The following SPTLC3 variants were observed in gnomAD, a reference collection of about 807,000 sequenced individuals.
The protein encoded by SPTLC3 is serine palmitoyltransferase 3.
In SPTLC3, 36 loss-of-function variants were observed where a neutral mutation model predicts 59.3. The ratio of observed to expected loss-of-function variants is 0.61; its 90% CI spans 0.47 to 0.80. SPTLC3 has a LOEUF of 0.80. Ranked by LOEUF, SPTLC3 falls within the 30% of genes least tolerant of loss-of-function variation. The probability of loss-of-function intolerance (pLI) is 0.00; values close to 1 mark genes in which losing one functional copy is unlikely to be tolerated. For missense variants in SPTLC3, 625 were observed against 685.1 expected (o/e 0.91, Z 0.98); for synonymous variants, 257 against 240.8 (o/e 1.07, Z -0.62).
Position 13,158,851 on chromosome 20 carries a change from G to C in SPTLC3, c.1416-1152G>C, listed in dbSNP as rs1336918044. ...AACAGCAAAACAAGTGAATGGAAGA[G>C]CAGGCTTATTCTCCACGTCTGGTTC... On this transcript the variant is annotated intron_variant, in intron 10 of 11. Transcript: ENST00000399002. 2.6e-5 allele frequency among the ~76,000 whole-genome samples: 4 copies of C among 152,210 alleles called. No homozygotes were observed. In the East Asian group the frequency reaches 5.8e-4, roughly 22 times the overall value.
chr20:13,123,795 C>T (rs146082706), intron 8 of SPTLC3, among the ~76,000 whole-genome samples: 132 of 152,314 alleles, frequency 8.7e-4, no homozygotes, highest in Non-Finnish European at 1.7e-3. Context: ...ACCCTTGAAA[C>T]ACCTTGTTCC....
chr20:13,024,108 C>G (rs1053349821), intron 1 of SPTLC3, among the ~76,000 whole-genome samples: 1 of 152,144 alleles, frequency 6.6e-6, no homozygotes, highest in African/African-American at 2.4e-5. Context: ...CTCCGTTGAC[C>G]CTCACAACAA....
chr20:13,153,801 T>G (rs1261448847), intron 9 of SPTLC3, among the ~76,000 whole-genome samples: 1 of 152,150 alleles, frequency 6.6e-6, no homozygotes, highest in Non-Finnish European at 1.5e-5. Context: ...TCCACCTCCC[T>G]TCCTGCCTTC....
intron 8 of SPTLC3, 107 bp downstream of exon 8, chr20:13,117,832 TCAGCTGATCACTC>T (rs1990651145): frequency 9.8e-7 from 1 of 1,022,632 alleles, no homozygotes; most frequent in Admixed American, 2.7e-5. Flanking sequence ...TCACCACACC[TCAGCTGATCACTC>T]CAGCCTGGCT....
rs2039003480 is a variant in SPTLC3, at chr20:13,167,853, A to G, written c.*2986A>G. The G allele has an allele frequency of 6.6e-6, 1 of 152,190 alleles. No individual in the cohort carries two copies. The highest frequency in any genetic ancestry group is 6.5e-5 in the Admixed American group (1 of 15,270). 9.4% of individuals were successfully genotyped at this position (152,190 alleles called of 1,614,324 possible). A position where few individuals can be genotyped will look rare whatever the true frequency, so the allele number is the denominator to read the frequency against. ...TAACCAGCCTTCCTGCGTGATTCTA[A>G]TCTATGCCAAAATTTAAGAACATTA... On this transcript the variant is annotated 3_prime_UTR_variant, in exon 12 of 12. Transcript: ENST00000399002.
intron 10 of SPTLC3, among the ~76,000 whole-genome samples, chr20:13,154,492 T>C (rs1333182089): frequency 2.6e-5 from 4 of 152,266 alleles, no homozygotes; most frequent in South Asian, 2.1e-4. Flanking sequence ...CTCCCCATAT[T>C]ACCATAAAAA....
chr20:13,105,776 T>C (rs908541608), intron 6 of SPTLC3, among the ~76,000 whole-genome samples: 7 of 152,168 alleles, frequency 4.6e-5, no homozygotes, highest in Non-Finnish European at 8.8e-5. Context: ...AAAACATTCT[T>C]AACAGGAATG....
At chr20:13,037,476 C>T (rs1054860227) in intron 1 of SPTLC3, among the ~76,000 whole-genome samples, 17 of 152,196 alleles carry the variant, frequency 1.1e-4, no homozygotes, top group African/African-American at 3.9e-4. Context: ...CACACTTGCA[C>T]TCAAGTCTCA....
chr20:13,074,530 T>A (rs1422173172), intron 4 of SPTLC3, 33 bp downstream of exon 4: 1 of 1,586,098 alleles, frequency 6.3e-7, no homozygotes, highest in Admixed American at 1.7e-5. Context: ...AACTTTTTGC[T>A]GTTAGGTCTC....
At chr20:13,059,349 C>T (rs6105029) in intron 2 of SPTLC3, among the ~76,000 whole-genome samples, 53,223 of 152,060 alleles carry the variant, frequency 0.35, 10,162 homozygotes, top group African/African-American at 0.52. Flanking sequence ...CTAGAACTCT[C>T]AGACCCAGCC....
At chr20:13,073,972 G>T (rs2122574173) in intron 3 of SPTLC3, 1 of 598,346 alleles carries the variant, frequency 1.7e-6, no homozygotes. Context: ...ACCAACTCCT[G>T]GTATATCCTG....
intron 1 of SPTLC3, among the ~76,000 whole-genome samples, chr20:13,034,692 T>G (rs556832557): frequency 6.6e-6 from 1 of 152,240 alleles, no homozygotes; most frequent in Non-Finnish European, 1.5e-5. Context: ...CGAGAAACTT[T>G]ACCATCACAC....
At chr20:13,073,345 G>A (rs1210061331) in intron 3 of SPTLC3, among the ~76,000 whole-genome samples, 25 of 152,056 alleles carry the variant, frequency 1.6e-4, no homozygotes, top group Admixed American at 1.6e-3. Context: ...TAATATAAAG[G>A]CCTCTAGTTC....
intron 10 of SPTLC3, among the ~76,000 whole-genome samples, chr20:13,158,792 G>A (rs2038831343): frequency 6.6e-6 from 1 of 152,162 alleles, no homozygotes; most frequent in African/African-American, 2.4e-5. Context: ...GATAACCTAT[G>A]TTCTATCTGA....
rs35718222 is a variant in SPTLC3, at chr20:13,132,171, A to ATTTT, written c.1279+5474_1279+5477dup. Among the ~76,000 whole-genome samples the ATTTT allele has an allele frequency of 3.0e-4, 31 of 103,998 alleles. 1 individual carries two copies. The highest frequency in any genetic ancestry group is 4.1e-4 in the Non-Finnish European group (22 of 53,422). The allele number at this position is 103,998 out of a possible 152,430, so 68.2% of individuals were successfully genotyped here. Reference sequence around the variant, plus strand: ...CTCTAATTCTCCTCACCTTGCTTTAATTTTTTTTTTTTTTTTTTTTTTTGA... The same window carrying ATTTT: ...CTCTAATTCTCCTCACCTTGCTTTAATTTTTTTTTTTTTTTTTTTTTTTTTTTGA... On this transcript the variant is annotated intron_variant, in intron 9 of 11. Coordinates refer to ENST00000399002, the MANE Select transcript of SPTLC3 (RefSeq NM_018327.4).
chr20:13,114,385 T>A (rs1990416980), intron 7 of SPTLC3, among the ~76,000 whole-genome samples: 2 of 152,242 alleles, frequency 1.3e-5, no homozygotes, highest in South Asian at 4.1e-4. Context: ...TGGTTGAGAA[T>A]CTCAAAATTA....
At chr20:13,154,830 A>G (rs1257333838) in intron 10 of SPTLC3, among the ~76,000 whole-genome samples, 2 of 152,170 alleles carry the variant, frequency 1.3e-5, no homozygotes, top group Admixed American at 6.5e-5. Context: ...TTTATACATG[A>G]GCCCTTCTCC....
intron 1 of SPTLC3, among the ~76,000 whole-genome samples, chr20:13,035,174 G>A (rs1036149148): frequency 8.5e-5 from 13 of 152,204 alleles, no homozygotes; most frequent in African/African-American, 2.6e-4. Context: ...GACATTTCCT[G>A]TCTTCTGGCA....
At chr20:13,153,957 C>T in intron 9 of SPTLC3, 46 bp from the exon 10 acceptor site, 5 of 1,604,164 alleles carry the variant, frequency 3.1e-6, no homozygotes, top group South Asian at 1.1e-5. Context: ...CTTTACTTCC[C>T]TCTTTCTAGT....
Sources: allele counts gnomAD v4.1 joint callset (sites outside exome capture counted in the v4.1 genomes callset), GRCh38; gene constraint gnomAD v4.1.1; transcripts MANE v1.5; gene names NCBI Gene and HGNC (gene_info 2026-07-23, HGNC 2026-07-21).